The following RHOBTB3 variants were observed in gnomAD, a reference collection of about 807,000 sequenced individuals.
RHOBTB3 encodes the protein rho-related BTB domain-containing protein 3.
In RHOBTB3, 47 loss-of-function variants were observed where a neutral mutation model predicts 67.2. That is an observed-to-expected ratio of 0.70 (90% CI 0.55 to 0.89). The LOEUF is 0.89. Among genes scored for constraint, RHOBTB3 ranks in the 40% least tolerant of loss-of-function variants. The pLI, the probability that RHOBTB3 is intolerant of heterozygous loss-of-function variation, is 0.00. For synonymous variants in RHOBTB3, 273 were observed against 274.2 expected (o/e 1.00, Z 0.04); for missense variants, 631 against 750.0 (o/e 0.84, Z 1.85).
In RHOBTB3 at chr5:95,736,959, A is replaced by G. The variant is rs1360042927; in HGVS notation, c.299A>G (p.Tyr100Cys). Residue 100 changes from tyrosine (Y) to cysteine (C), a missense_variant, in exon 3 of 12, where the codon TAC becomes TGC. Coordinates refer to ENST00000379982, the MANE Select transcript of RHOBTB3 (RefSeq NM_014899.4). ...IGGADIIVIK[Y>C]NVNDKFSFHE... ...GGCGCTGACATCATTGTGATCAAAT[A>G]CAACGTTAATGACAAGTTTTCATTC... 9 of 1,612,498 alleles carry G rather than the reference A, an allele frequency of 5.6e-6. No individual in the cohort carries two copies. The highest frequency in any genetic ancestry group is 1.7e-5 in the Admixed American group (1 of 59,910).
intron 3 of RHOBTB3, among the ~76,000 whole-genome samples, chr5:95,743,325 G>T (rs1209570036): frequency 6.6e-6 from 1 of 152,072 alleles, no homozygotes; most frequent in African/African-American, 2.4e-5. Context: ...GTCTGGGGAT[G>T]GGGGTGTAAG....
Position 95,777,948 on chromosome 5 carries a change from C to A in RHOBTB3, c.1283-2304C>A, listed in dbSNP as rs1348227487. Among the ~76,000 whole-genome samples the A allele has an allele frequency of 2.0e-5, 3 of 152,170 alleles. No individual in the cohort carries two copies. In the East Asian group the frequency reaches 5.8e-4, roughly 29 times the overall value. ...CCTGGCCAACACAGCAAAACCCTGT[C>A]CCTAGTAAAAATACCAAAAAAGTTA... On this transcript the variant is annotated intron_variant, in intron 8 of 11. Coordinates refer to ENST00000379982, the MANE Select transcript of RHOBTB3 (RefSeq NM_014899.4).
intron 6 of RHOBTB3, among the ~76,000 whole-genome samples, chr5:95,758,737 T>A (rs1745316095): frequency 6.6e-6 from 1 of 152,182 alleles, no homozygotes. Context: ...TGTGTGCAGA[T>A]CATCTGAGGA....
intron 3 of RHOBTB3, among the ~76,000 whole-genome samples, chr5:95,745,648 T>TA (rs538120796): frequency 0.013 from 1,954 of 151,216 alleles, 17 homozygotes; most frequent in Non-Finnish European, 0.022. Context: ...TGCTTGCTTT[T>TA]AAAAAAAAAT....
intron 3 of RHOBTB3, among the ~76,000 whole-genome samples, chr5:95,747,565 ATTTT>A (rs1170061913): frequency 6.6e-6 from 1 of 152,198 alleles, no homozygotes; most frequent in Non-Finnish European, 1.5e-5. Flanking sequence ...TTAAACATAT[ATTTT>A]TAGCCTTACT....
At chr5:95,788,935 T>C (rs781083418) in intron 11 of RHOBTB3, 77 bp downstream of exon 11, 2 of 868,708 alleles carry the variant, frequency 2.3e-6, no homozygotes, top group Admixed American at 3.1e-5. Flanking sequence ...GTTGTAGAAG[T>C]AGTACTTTTA....
intron 1 of RHOBTB3, chr5:95,719,605 T>TA (rs746669330): frequency 6.6e-6 from 1 of 152,210 alleles, no homozygotes; most frequent in Non-Finnish European, 1.5e-5. Flanking sequence ...AATCTAATAG[T>TA]AAAAAACATA....
chr5:95,726,049 A>C (rs1755044643), upstream of RHOBTB3, among the ~76,000 whole-genome samples: 1 of 152,226 alleles, frequency 6.6e-6, no homozygotes, highest in South Asian at 2.1e-4. Context: ...TACTACACTG[A>C]AACAGAATTT....
chr5:95,744,226 G>A (rs563236183), intron 3 of RHOBTB3, among the ~76,000 whole-genome samples: 12 of 152,238 alleles, frequency 7.9e-5, no homozygotes, highest in African/African-American at 2.4e-4. Flanking sequence ...TGTACATGCT[G>A]TATTCTTAAC....
Position 95,759,617 on chromosome 5 carries a change from C to T in RHOBTB3, c.1048+3856C>T, listed in dbSNP as rs142200922. Among the ~76,000 whole-genome samples, 134 of 152,164 alleles carry T rather than the reference C, an allele frequency of 8.8e-4. 1 individual carries two copies. Among genetic ancestry groups the T allele is most frequent in the African/African-American group, 3.2e-3 (131 of 41,568 alleles). On this transcript the variant is annotated intron_variant, in intron 6 of 11. Coordinates refer to ENST00000379982, the MANE Select transcript of RHOBTB3 (RefSeq NM_014899.4). ...TTTTTGAAAAAATGTATTTTGTAAT[C>T]AAATCAAACAAAAATTTTAAACCTA...
intron 2 of RHOBTB3, among the ~76,000 whole-genome samples, chr5:95,734,820 C>A (rs1197028826): frequency 6.6e-6 from 1 of 152,170 alleles, no homozygotes; most frequent in East Asian, 1.9e-4. Flanking sequence ...GTCTTCACAT[C>A]CTCAATCCCA....
upstream of RHOBTB3, among the ~76,000 whole-genome samples, chr5:95,726,964 CCT>C (rs1491174113): frequency 1.3e-5 from 2 of 151,830 alleles, no homozygotes; most frequent in African/African-American, 4.8e-5. Flanking sequence ...TCGTTTCCCC[CCT>C]TTTTTTTTTC....
chr5:95,767,712 G>A (rs1745589630), intron 7 of RHOBTB3: 3 of 638,426 alleles, frequency 4.7e-6, no homozygotes. Context: ...TATTTTAGTA[G>A]GCATTTGTAT....
chr5:95,747,445 G>A (rs928241825), intron 3 of RHOBTB3, among the ~76,000 whole-genome samples: 4 of 152,142 alleles, frequency 2.6e-5, no homozygotes, highest in African/African-American at 7.2e-5. Flanking sequence ...ACAACAACAT[G>A]CATTTCTAGA....
intron 4 of RHOBTB3, among the ~76,000 whole-genome samples, chr5:95,750,093 A>G (rs1358812943): frequency 3.9e-5 from 6 of 152,246 alleles, no homozygotes; most frequent in Non-Finnish European, 5.9e-5. Context: ...ACTTTCTAGT[A>G]AAGTACAACT....
Position 95,793,317 on chromosome 5 carries a change from T to G in RHOBTB3, c.*143T>G. The stretch of plus-strand genomic sequence containing the variant: ...AGCTTAATATGTTTATTAGTTCTCT[T>G]TGGAAAAAAACTACCACTGTGGTCT... On this transcript the variant is annotated 3_prime_UTR_variant, in exon 12 of 12. Coordinates refer to ENST00000379982, the MANE Select transcript of RHOBTB3 (RefSeq NM_014899.4). The G allele has an allele frequency of 1.9e-6, 1 of 530,442 alleles. No homozygotes were observed. Among genetic ancestry groups the G allele is most frequent in the Non-Finnish European group, 3.3e-6 (1 of 302,864 alleles). The allele number at this position is 530,442 out of a possible 1,614,324, so 32.9% of individuals were successfully genotyped here. A position where few individuals can be genotyped will look rare whatever the true frequency, so the allele number is the denominator to read the frequency against.
At chr5:95,724,570 C>T (rs887413210) in intron 1 of RHOBTB3, among the ~76,000 whole-genome samples, 4 of 152,140 alleles carry the variant, frequency 2.6e-5, no homozygotes, top group Non-Finnish European at 5.9e-5. Flanking sequence ...ATTGGAATCC[C>T]AGCTCCTCTA....
At chr5:95,757,323 T>C (rs1745275632) in intron 6 of RHOBTB3, among the ~76,000 whole-genome samples, 1 of 152,230 alleles carries the variant, frequency 6.6e-6, no homozygotes. Context: ...CATCTAAATA[T>C]AAGTTTTCTC....
At chr5:95,729,824 C>T (rs1361537230), upstream of RHOBTB3, among the ~76,000 whole-genome samples, 1 of 152,188 alleles carries the variant, frequency 6.6e-6, no homozygotes, top group Non-Finnish European at 1.5e-5. Flanking sequence ...AAGGTTCATC[C>T]ATGTTGTAGT....
Sources: allele counts gnomAD v4.1 joint callset (sites outside exome capture counted in the v4.1 genomes callset), GRCh38; gene constraint gnomAD v4.1.1; transcripts MANE v1.5; gene names NCBI Gene and HGNC (gene_info 2026-07-23, HGNC 2026-07-21).